SHQ1: variants seen among roughly 807,000 people sequenced by gnomAD.
SHQ1 encodes SHQ1, H/ACA ribonucleoprotein assembly factor.
In SHQ1, 49 loss-of-function variants were observed where a neutral mutation model predicts 53.8. The observed-to-expected ratio is 0.91, with a 90% confidence interval of 0.72 to 1.16. The LOEUF (loss-of-function observed/expected upper bound fraction) is 1.16. Among genes scored for constraint, SHQ1 ranks in the 50% most tolerant of loss-of-function variants. The pLI, the probability that SHQ1 is intolerant of heterozygous loss-of-function variation, is 0.00. For missense variants in SHQ1, 738 were observed against 683.1 expected (o/e 1.08, Z -0.90); for synonymous variants, 243 against 251.0 (o/e 0.97, Z 0.30).
chr3:72,828,280 AG>A (rs1707722961), intron 5 of SHQ1, among the ~76,000 whole-genome samples: 1 of 152,260 alleles, frequency 6.6e-6, no homozygotes. Context: ...CCAGTCTAAC[AG>A]GGCAAGTGCA....
intron 10 of SHQ1, among the ~76,000 whole-genome samples, chr3:72,785,906 T>C (rs977351443): frequency 1.3e-5 from 2 of 152,208 alleles, no homozygotes; most frequent in Non-Finnish European, 2.9e-5. Flanking sequence ...GCTCCAAATG[T>C]TCCTGGCTCC....
chr3:72,765,550 TA>T (rs1296346420), intron 10 of SHQ1, among the ~76,000 whole-genome samples: 3,957 of 98,640 alleles, frequency 0.04, 123 homozygotes, highest in Non-Finnish European at 0.051. Flanking sequence ...TATATATATA[TA>T]TATATATTTT....
At chr3:72,762,092 T>C (rs1705622792) in intron 10 of SHQ1, among the ~76,000 whole-genome samples, 1 of 152,118 alleles carries the variant, frequency 6.6e-6, no homozygotes, top group Admixed American at 6.5e-5. Flanking sequence ...TGTACATACA[T>C]ACATGTGCAC....
chr3:72,760,437 G>A (rs1444723507), intron 10 of SHQ1, among the ~76,000 whole-genome samples: 2 of 152,136 alleles, frequency 1.3e-5, no homozygotes, highest in Non-Finnish European at 2.9e-5. Flanking sequence ...CATATAAGTG[G>A]CTATGCTAGA....
chr3:72,841,363 AAAG>A (rs1470822837), intron 3 of SHQ1, among the ~76,000 whole-genome samples, 164 bp from the exon 4 acceptor site: 4 of 152,236 alleles, frequency 2.6e-5, no homozygotes, highest in Admixed American at 1.3e-4. Context: ...AAAAAAAAAA[AAAG>A]AACCAAAAAT....
intron 9 of SHQ1, among the ~76,000 whole-genome samples, chr3:72,811,567 A>G (rs867961358): frequency 2.0e-5 from 3 of 152,342 alleles, no homozygotes; most frequent in Middle Eastern, 3.4e-3. Flanking sequence ...CAGCTAGTCT[A>G]AACCAACTGG....
Position 72,824,421 on chromosome 3 carries a change from T to TA in SHQ1, c.727+2dup. 6.2e-7 allele frequency: 1 copy of TA among 1,609,280 alleles called. No individual in the cohort carries two copies. ...ACAAATTAGCCGAATTTGAGTTTCT[T>TA]ACCTAATGTAGCATGATTTTCTTGT... On this transcript the variant is annotated splice_region_variant and intron_variant, in intron 6 of 10. Coordinates refer to ENST00000325599, the MANE Select transcript of SHQ1 (RefSeq NM_018130.3).
chr3:72,783,363 CT>C (rs796866861), intron 10 of SHQ1, among the ~76,000 whole-genome samples: 35,349 of 128,808 alleles, frequency 0.27, 3,935 homozygotes, highest in African/African-American at 0.41. Flanking sequence ...TTTTTATACA[CT>C]TTTTTTTTTT....
At chr3:72,772,943 C>T (rs1462701115) in intron 10 of SHQ1, 3 of 921,240 alleles carry the variant, frequency 3.3e-6, no homozygotes, top group Admixed American at 1.8e-5. Context: ...CATGAAGAAT[C>T]GGAAGAAAAA....
At chr3:72,742,103 G>A in the SHQ1 span, among the ~76,000 whole-genome samples, 4 of 151,478 alleles carry the variant, frequency 2.6e-5, no homozygotes, top group African/African-American at 9.7e-5. Flanking sequence ...TGCATCTGTA[G>A]TCCCAGCTAC....
At chr3:72,747,015 T>C (rs1705270906), downstream of SHQ1, among the ~76,000 whole-genome samples, 1 of 152,166 alleles carries the variant, frequency 6.6e-6, no homozygotes, top group African/African-American at 2.4e-5. Context: ...GCATTTTAAG[T>C]GCCGTAGTCA....
intron 10 of SHQ1, among the ~76,000 whole-genome samples, chr3:72,751,506 G>GTATATATATATATATATATATA (rs1312437115): frequency 1.1e-4 from 13 of 117,436 alleles, no homozygotes; most frequent in African/African-American, 5.8e-4. Context: ...GTGTGTGTGT[G>GTATATATATATATATATATATA]TGTATATATA....
At chr3:72,817,422 C>A (rs1291473149) in intron 6 of SHQ1, 38 bp from the exon 7 acceptor site, 1 of 1,563,116 alleles carries the variant, frequency 6.4e-7, no homozygotes, top group Non-Finnish European at 8.7e-7. Flanking sequence ...ATGTTTCATT[C>A]AGTTTTGTAA....
At chr3:72,741,001 G>A in the SHQ1 span, among the ~76,000 whole-genome samples, 5 of 152,104 alleles carry the variant, frequency 3.3e-5, no homozygotes, top group African/African-American at 4.8e-5. Flanking sequence ...TCAAATTTCC[G>A]GGAGCAGGAC....
rs114406198 is a variant in SHQ1, at chr3:72,810,466, G to A, written c.1060+2205C>T. Among the ~76,000 whole-genome samples, 459 of 152,306 alleles carry A rather than the reference G, an allele frequency of 3.0e-3. 2 individuals carry two copies. Among genetic ancestry groups the A allele is most frequent in the African/African-American group, 0.011 (441 of 41,580 alleles). On this transcript the variant is annotated intron_variant, in intron 9 of 10. Transcript: ENST00000325599. ...TATAATGAAATATTCTGTAGTTTCT[G>A]AAGCATTCCTACATTGGTTTTGAAA... is the stretch of plus-strand genomic sequence containing the variant.
chr3:72,772,429 C>A, intron 10 of SHQ1: 1 of 389,964 alleles, frequency 2.6e-6, no homozygotes, highest in South Asian at 2.1e-5. Flanking sequence ...TCTGAGGAGA[C>A]CAGTTCAAAG....
chr3:72,839,353 A>G (rs942931868), intron 4 of SHQ1, among the ~76,000 whole-genome samples: 15 of 152,226 alleles, frequency 9.9e-5, no homozygotes, highest in African/African-American at 3.6e-4. Flanking sequence ...GATCAAGCAG[A>G]GAATATGGGC....
intron 4 of SHQ1, among the ~76,000 whole-genome samples, 155 bp downstream of exon 4, chr3:72,840,890 T>C (rs1007352871): frequency 1.3e-5 from 2 of 152,224 alleles, no homozygotes; most frequent in African/African-American, 4.8e-5. Context: ...TGGAAGGGAA[T>C]GCACATCTAT....
the SHQ1 span, among the ~76,000 whole-genome samples, chr3:72,726,793 T>G: frequency 2.6e-5 from 4 of 152,122 alleles, no homozygotes; most frequent in Admixed American, 6.5e-5. Context: ...TCACACCAAT[T>G]GATATCAATT....
Sources: allele counts gnomAD v4.1 joint callset (sites outside exome capture counted in the v4.1 genomes callset), GRCh38; gene constraint gnomAD v4.1.1; transcripts MANE v1.5; gene names NCBI Gene and HGNC (gene_info 2026-07-23, HGNC 2026-07-21).